The following MKNK2 variants were observed in gnomAD, a reference collection of about 807,000 sequenced individuals.
MKNK2 encodes the protein MAP kinase-interacting serine/threonine-protein kinase 2.
In MKNK2, 54 loss-of-function variants were observed where a neutral mutation model predicts 55.0. The ratio of observed to expected loss-of-function variants is 0.98; its 90% CI spans 0.79 to 1.23. The LOEUF (loss-of-function observed/expected upper bound fraction) is 1.23. Ranked by LOEUF, MKNK2 falls within the 50% of genes most tolerant of loss-of-function variation. The pLI is 0.00. For missense variants in MKNK2, 685 were observed against 632.1 expected (o/e 1.08, Z -0.90); for synonymous variants, 323 against 256.0 (o/e 1.26, Z -2.50).
At chr19:2,042,123 C>T in intron 10 of MKNK2, 89 bp from the exon 11 acceptor site, 1 of 1,259,224 alleles carries the variant, frequency 7.9e-7, no homozygotes, top group Non-Finnish European at 1.0e-6. Context: ...CTGCGCCAGC[C>T]GGCTCGGACC....
Position 2,037,651 on chromosome 19 carries a change from T to A in MKNK2, c.*1962A>T. On this transcript the variant is annotated 3_prime_UTR_variant, in exon 14 of 14. Transcript: ENST00000250896. ...TTGAGGTTTTTTTTTTTTTTTTGTC[T>A]TTTAAAAACATCGTAACATTAACAC... 3.2e-6 allele frequency: 3 copies of A among 947,650 alleles called. No individual in the cohort carries two copies. Among genetic ancestry groups the A allele is most frequent in the South Asian group, 3.4e-5 (1 of 29,638 alleles). The allele number at this position is 947,650 out of a possible 1,614,324, so 58.7% of individuals were successfully genotyped here.
At position 2,039,681 on chromosome 19, in the gene MKNK2, G is replaced by T. The variant is rs761191791; in HGVS notation, c.1330C>A (p.Leu444Met). Reference protein sequence around the residue: ...LQLSPPSQSKLAQRRQRASLS... With the variant: ...LQLSPPSQSKMAQRRQRASLS... ...CTGGCCCTTTGCCGCCGCTGCGCCA[G>T]CTTGGACTGGGAGGGTGGAGACAGC... The change falls in exon 14 of 14, where the codon CTG becomes ATG. Residue 444 changes from leucine (L) to methionine (M), a missense_variant. Leu to Met is a conservative substitution (Grantham distance 15). Transcript: ENST00000250896. 2 of 1,613,112 alleles carry T rather than the reference G, an allele frequency of 1.2e-6. No individual in the cohort carries two copies. The highest frequency in any genetic ancestry group is 1.7e-6 in the Non-Finnish European group (2 of 1,179,978).
chr19:2,042,226 C>A, intron 10 of MKNK2, 192 bp from the exon 11 acceptor site: 1 of 722,590 alleles, frequency 1.4e-6, no homozygotes, highest in South Asian at 2.0e-5. Context: ...CGCCGCGGCC[C>A]CGCCCCACCC....
In MKNK2 at chr19:2,046,210, G is replaced by C. The variant is rs1481448502; in HGVS notation, c.315C>G (p.Ile105Met). The C allele has an allele frequency of 3.7e-6, 6 of 1,608,584 alleles. No homozygotes were observed. Among genetic ancestry groups the C allele is most frequent in the Non-Finnish European group, 5.1e-6 (6 of 1,179,916 alleles). The change falls in exon 5 of 14, where the codon ATC (isoleucine) becomes ATG (methionine). Residue 105 changes from isoleucine (I) to methionine (M), a missense_variant. Ile to Met is a conservative substitution (Grantham distance 10). Coordinates refer to ENST00000250896, the MANE Select transcript of MKNK2 (RefSeq NM_199054.3). ...HARVQTCINL[I>M]TSQEYAVKII... ...CCTTGACGGCGTACTCCTGGCTGGTGATCAGGTTGATGCAGGTCTGCACTC... is the reference window on the plus strand; with the variant it reads ...CCTTGACGGCGTACTCCTGGCTGGTCATCAGGTTGATGCAGGTCTGCACTC...
In MKNK2 at chr19:2,047,320, C is replaced by A. The variant is rs552304413; in HGVS notation, c.52-629G>T. On this transcript the variant is annotated intron_variant, in intron 2 of 13. Coordinates refer to ENST00000250896, the MANE Select transcript of MKNK2 (RefSeq NM_199054.3). Reference sequence around the variant, plus strand: ...CCCTGCAGTGCCCAGGACAGCCCCACCCCAGAGAAAGATGGGCCCCAACCT... The same window carrying A: ...CCCTGCAGTGCCCAGGACAGCCCCAACCCAGAGAAAGATGGGCCCCAACCT... Among the ~76,000 whole-genome samples, 33 of 152,270 alleles carry A rather than the reference C, an allele frequency of 2.2e-4. 1 individual carries two copies. In the South Asian group the frequency reaches 2.9e-3, roughly 13 times the overall value.
At position 2,037,957 on chromosome 19, in the gene MKNK2, G is replaced by C. The variant is rs1227441501; in HGVS notation, c.*1656C>G. ...TTGTTCTTTGATACAAAAAGGCAGA[G>C]AATCCCCCGTTACGAAACATGGAAT... On this transcript the variant is annotated 3_prime_UTR_variant, in exon 14 of 14. Transcript: ENST00000250896. The C allele has an allele frequency of 5.8e-6, 8 of 1,385,674 alleles. No individual in the cohort carries two copies. Among genetic ancestry groups the C allele is most frequent in the Middle Eastern group, 5.5e-4 (2 of 3,638 alleles). The allele number at this position is 1,385,674 out of a possible 1,614,324, so 85.8% of individuals were successfully genotyped here. A position where few individuals can be genotyped will look rare whatever the true frequency, so the allele number is the denominator to read the frequency against.
chr19:2,044,852 G>A (rs191212341), intron 5 of MKNK2, among the ~76,000 whole-genome samples: 6 of 152,260 alleles, frequency 3.9e-5, no homozygotes, highest in South Asian at 2.1e-4. Flanking sequence ...GGGAGGGGGC[G>A]CAGCCCCTCC....
At chr19:2,050,687 C>CGGGGGCCA (rs2017096108) in intron 2 of MKNK2, 114 bp downstream of exon 2, 1 of 1,004,178 alleles carries the variant, frequency 1.0e-6, no homozygotes, top group African/African-American at 1.7e-5. Flanking sequence ...GGGTGTAGGG[C>CGGGGGCCA]GGGGGCCAGG....
In MKNK2 at chr19:2,042,114, T is replaced by A. The variant is rs1002405799; in HGVS notation, c.751-80A>T. 6 of 1,319,854 alleles carry A rather than the reference T, an allele frequency of 4.5e-6. No homozygotes were observed. The Admixed American group carries it at 1.0e-4, about 22-fold the overall frequency. 81.8% of individuals were successfully genotyped at this position (1,319,854 alleles called of 1,614,324 possible). A position where few individuals can be genotyped will look rare whatever the true frequency, so the allele number is the denominator to read the frequency against. On this transcript the variant is annotated intron_variant, in intron 10 of 13. Coordinates refer to ENST00000250896, the MANE Select transcript of MKNK2 (RefSeq NM_199054.3). ...CGAGCCCGGGTAACTGCGGGTCACC[T>A]GCGCCAGCCGGCTCGGACCCCGCCC...
intron 5 of MKNK2, 146 bp downstream of exon 5, chr19:2,046,040 C>T (rs1225036914): frequency 9.2e-6 from 7 of 760,060 alleles, no homozygotes; most frequent in African/African-American, 1.7e-5. Context: ...CTGTCATTCC[C>T]GACTGGACTC....
chr19:2,041,271 G>C, intron 11 of MKNK2, 67 bp from the exon 12 acceptor site: 1 of 1,527,432 alleles, frequency 6.5e-7, no homozygotes. Context: ...ACTGACACGT[G>C]GCTCCAACCG....
chr19:2,040,377 G>A (rs2016850279), intron 12 of MKNK2, 200 bp from the exon 13 acceptor site: 2 of 548,108 alleles, frequency 3.6e-6, no homozygotes, highest in South Asian at 4.9e-5. Flanking sequence ...CCCTGCCCAG[G>A]GAACCCGAGG....
At position 2,038,230 on chromosome 19, in the gene MKNK2, A is replaced by C. The variant is rs893298581; in HGVS notation, c.*1383T>G. On this transcript the variant is annotated 3_prime_UTR_variant, in exon 14 of 14. Transcript: ENST00000250896. ...AGTATTCTTCAAGAACAGGGAAGCA[A>C]AGTCCATCGATGTGTTGTTTTTTTT... The C allele has an allele frequency of 3.0e-5, 30 of 992,640 alleles. No individual in the cohort carries two copies. The African/African-American group carries it at 5.2e-4, about 17-fold the overall frequency. 61.5% of individuals were successfully genotyped at this position (992,640 alleles called of 1,614,324 possible). A position where few individuals can be genotyped will look rare whatever the true frequency, so the allele number is the denominator to read the frequency against.
rs147025571 is a variant in MKNK2, at chr19:2,041,115, G to A, written c.1035C>T (p.Ile345=). The change falls in exon 12 of 14, where the codon ATC becomes ATT. Residue 345 remains isoleucine (I), a synonymous_variant. Coordinates refer to ENST00000250896, the MANE Select transcript of MKNK2 (RefSeq NM_199054.3). ...AHISCAAKDL[I]SKLLVRDAKQ... Reference sequence around the variant, plus strand: ...TGGCGTCACGGACCAGCAGCTTGGAGATGAGGTCTTTGGCAGCGCAGGAGA... The same window carrying A: ...TGGCGTCACGGACCAGCAGCTTGGAAATGAGGTCTTTGGCAGCGCAGGAGA... 7.1e-5 allele frequency: 115 copies of A among 1,614,102 alleles called. No individual in the cohort carries two copies. Among genetic ancestry groups the A allele is most frequent in the Non-Finnish European group, 9.1e-5 (107 of 1,179,970 alleles).
At position 2,042,005 on chromosome 19, in the gene MKNK2, C is replaced by G; in HGVS notation, c.780G>C (p.Glu260Asp). 6.5e-7 allele frequency: 1 copy of G among 1,545,154 alleles called. No homozygotes were observed. Among genetic ancestry groups the G allele is most frequent in the South Asian group, 1.2e-5 (1 of 83,592 alleles). Residue 260 changes from glutamate to aspartate, a missense_variant, in exon 11 of 14, where the codon GAG (glutamate) becomes GAC (aspartate). Transcript: ENST00000250896. ...PCGSAEYMAP[E>D]VVEAFSEEAS... is the part of the protein sequence containing the mutation. ...CCTCCTCGCTGAAGGCCTCCACTACCTCCGGGGCCATGTACTCCGCCGAGC... is the reference window on the plus strand; with the variant it reads ...CCTCCTCGCTGAAGGCCTCCACTACGTCCGGGGCCATGTACTCCGCCGAGC...
chr19:2,045,578 GCTCCTGGCGAGCCCT>G (rs2016979582), intron 5 of MKNK2, among the ~76,000 whole-genome samples: 1 of 152,090 alleles, frequency 6.6e-6, no homozygotes, highest in Non-Finnish European at 1.5e-5. Context: ...GGACCCACAG[GCTCCTGGCGAGCCCT>G]GCTCGCCAGG....
At position 2,041,920 on chromosome 19, in the gene MKNK2, G is replaced by A. The variant is rs1159288219; in HGVS notation, c.865C>T (p.Leu289Phe). The change falls in exon 11 of 14, where the codon CTC becomes TTC. Residue 289 changes from leucine to phenylalanine, a missense_variant. Transcript: ENST00000250896. Reference sequence around the variant, plus strand: ...CCCACGAAGGGCGGGTAGCCGCTGAGTAGGATATACAAGATGACGCCCAGG... The same window carrying A: ...CCCACGAAGGGCGGGTAGCCGCTGAATAGGATATACAAGATGACGCCCAGG... ...WSLGVILYIL[L>F]SGYPPFVGRC... 1.9e-6 allele frequency: 3 copies of A among 1,550,230 alleles called. No individual in the cohort carries two copies. Among genetic ancestry groups the A allele is most frequent in the Non-Finnish European group, 8.7e-7 (1 of 1,146,856 alleles).
intron 5 of MKNK2, among the ~76,000 whole-genome samples, chr19:2,044,836 G>C (rs1004177362): frequency 6.6e-6 from 1 of 152,180 alleles, no homozygotes; most frequent in Non-Finnish European, 1.5e-5. Flanking sequence ...CTAGAATGCT[G>C]CTTCAGGGAG....
rs567652925 is a variant in MKNK2, at chr19:2,044,887, G to A, written c.339+1299C>T. On this transcript the variant is annotated intron_variant, in intron 5 of 13. Transcript: ENST00000250896. ...CTGGCATGGAAGGGGCCTATTCTGA[G>A]GTCCCAGCATGGGGGCTCTGCATCC... 7.2e-5 allele frequency among the ~76,000 whole-genome samples: 11 copies of A among 152,320 alleles called. No homozygotes were observed. In the South Asian group the frequency reaches 8.3e-4, roughly 11 times the overall value.
Sources: allele counts gnomAD v4.1 joint callset (sites outside exome capture counted in the v4.1 genomes callset), GRCh38; gene constraint gnomAD v4.1.1; transcripts MANE v1.5; gene names NCBI Gene and HGNC (gene_info 2026-07-23, HGNC 2026-07-21).